The following NSMCE1 variants were observed in gnomAD, a reference collection of about 807,000 sequenced individuals.
NSMCE1 encodes the protein non-structural maintenance of chromosomes element 1 homolog.
A neutral mutation model predicts 29.6 loss-of-function variants in NSMCE1; 18 were observed. The observed-to-expected ratio is 0.61, with a 90% CI of 0.42 to 0.90. The LOEUF is 0.90. NSMCE1 is among the 40% of genes least tolerant of loss of function. The probability of loss-of-function intolerance (pLI) is 0.00; values close to 1 mark genes in which losing one functional copy is unlikely to be tolerated. For missense variants in NSMCE1, 314 were observed against 343.6 expected (o/e 0.91, Z 0.68); for synonymous variants, 124 against 133.4 (o/e 0.93, Z 0.49).
At chr16:27,235,127 C>T in intron 3 of NSMCE1, 51 bp downstream of exon 3, 1 of 1,590,246 alleles carries the variant, frequency 6.3e-7, no homozygotes, top group South Asian at 1.1e-5. Flanking sequence ...CTGCCTGGGC[C>T]CTGTTCCAGC....
chr16:27,257,154 G>A (rs936658360), intron 2 of NSMCE1, among the ~76,000 whole-genome samples: 10 of 152,152 alleles, frequency 6.6e-5, no homozygotes, highest in Non-Finnish European at 1.5e-4. Flanking sequence ...TACAGATACA[G>A]AAACTGAGGC....
chr16:27,237,500 A>G (rs941030960), intron 2 of NSMCE1, among the ~76,000 whole-genome samples: 2 of 152,150 alleles, frequency 1.3e-5, no homozygotes, highest in African/African-American at 2.4e-5. Context: ...GGCCAGACAC[A>G]CTTTTCCACC....
chr16:27,234,161 A>C, intron 4 of NSMCE1, 27 bp downstream of exon 4: 2 of 1,466,800 alleles, frequency 1.4e-6, no homozygotes, highest in Non-Finnish European at 9.6e-7. Flanking sequence ...AGCCCACCCA[A>C]TGGGCAATGG....
chr16:27,252,474 T>C (rs1284296285), intron 2 of NSMCE1, among the ~76,000 whole-genome samples: 3 of 152,160 alleles, frequency 2.0e-5, no homozygotes, highest in Non-Finnish European at 4.4e-5. Context: ...AATTCAATAA[T>C]CAACAGGCCC....
At chr16:27,241,920 G>T in intron 2 of NSMCE1, 1 of 430,380 alleles carries the variant, frequency 2.3e-6, no homozygotes, top group East Asian at 7.2e-5. Context: ...ACAAAGTCTA[G>T]ACCAGAAATC....
intron 2 of NSMCE1, among the ~76,000 whole-genome samples, chr16:27,249,821 G>A (rs1168058365): frequency 1.3e-5 from 2 of 152,266 alleles, no homozygotes; most frequent in South Asian, 2.1e-4. Context: ...ATCTAACTGG[G>A]ATTTCTTTGA....
chr16:27,230,283 C>G lies in NSMCE1; in HGVS notation c.483+2718G>C, dbSNP rs190054000. ...TGACGTGTCCTTGGGGTGATATACC[C>G]ACCTGGAAGGGCCTTGTCAGTGGGC... is the stretch of plus-strand genomic sequence containing the variant. On this transcript the variant is annotated intron_variant, in intron 5 of 7. Coordinates refer to ENST00000361439, the MANE Select transcript of NSMCE1 (RefSeq NM_145080.4). Among the ~76,000 whole-genome samples the G allele has an allele frequency of 2.6e-5, 4 of 152,324 alleles. No individual in the cohort carries two copies. In the East Asian group the frequency reaches 5.8e-4, roughly 22 times the overall value.
intron 6 of NSMCE1, chr16:27,226,429 G>C (rs2083692336): frequency 2.6e-6 from 1 of 379,116 alleles, no homozygotes; most frequent in South Asian, 4.0e-5. Context: ...AAACTACCAA[G>C]ATGATGCAGG....
intron 2 of NSMCE1, among the ~76,000 whole-genome samples, chr16:27,237,359 T>C (rs2083837241): frequency 6.6e-6 from 1 of 152,188 alleles, no homozygotes; most frequent in South Asian, 2.1e-4. Context: ...GGCAGCCACC[T>C]TGGATGGCCT....
chr16:27,252,760 A>C (rs1180673791), intron 2 of NSMCE1, among the ~76,000 whole-genome samples: 3 of 151,934 alleles, frequency 2.0e-5, no homozygotes, highest in Non-Finnish European at 1.5e-5. Flanking sequence ...CTCTACTAAA[A>C]CCACAAAAAT....
At chr16:27,226,083 C>T (rs1051801842) in intron 6 of NSMCE1, 2 of 408,614 alleles carry the variant, frequency 4.9e-6, no homozygotes, top group Admixed American at 8.0e-5. Context: ...GTGACAGAAG[C>T]CGAGGGCTCC....
chr16:27,226,680 G>C, intron 6 of NSMCE1, 40 bp downstream of exon 6: 4 of 1,338,278 alleles, frequency 3.0e-6, no homozygotes, highest in Non-Finnish European at 4.3e-6. Flanking sequence ...CGGGAGCCGA[G>C]GGCCCAGTGA....
intron 2 of NSMCE1, among the ~76,000 whole-genome samples, chr16:27,238,872 ATTT>A (rs545512534): frequency 7.2e-6 from 1 of 138,914 alleles, no homozygotes; most frequent in Non-Finnish European, 1.6e-5. Context: ...ATCCCGACAC[ATTT>A]TTTTTTTTTT....
chr16:27,257,686 TAA>T, intron 1 of NSMCE1, 105 bp from the exon 2 acceptor site: 2 of 1,016,478 alleles, frequency 2.0e-6, no homozygotes, highest in Non-Finnish European at 2.8e-6. Flanking sequence ...CTATCATTTT[TAA>T]AAGTCATTCT....
At chr16:27,240,347 G>A (rs1050325576) in intron 2 of NSMCE1, among the ~76,000 whole-genome samples, 6 of 152,182 alleles carry the variant, frequency 3.9e-5, no homozygotes, top group African/African-American at 7.2e-5. Flanking sequence ...ACTCACAGAG[G>A]AGATGCATTG....
At chr16:27,258,001 CA>C (rs550907060) in intron 1 of NSMCE1, 177 of 153,266 alleles carry the variant, frequency 1.2e-3, no homozygotes, top group Non-Finnish European at 2.1e-3. Flanking sequence ...TACTATCAGG[CA>C]ATTCTGGGTC....
chr16:27,244,576 C>A (rs2083932712), intron 2 of NSMCE1, among the ~76,000 whole-genome samples: 1 of 152,244 alleles, frequency 6.6e-6, no homozygotes, highest in South Asian at 2.1e-4. Flanking sequence ...CTCATGCTGC[C>A]TTCCCTTTGG....
intron 1 of NSMCE1, among the ~76,000 whole-genome samples, chr16:27,264,164 C>A (rs2084193650): frequency 1.3e-5 from 2 of 152,088 alleles, no homozygotes; most frequent in African/African-American, 4.8e-5. Context: ...AAGAGTTCAA[C>A]ACCAGCCTGG....
chr16:27,226,850 C>T lies in NSMCE1; in HGVS notation c.484-14G>A. 1 of 1,550,468 alleles carries T rather than the reference C, an allele frequency of 6.4e-7. No homozygotes were observed. The highest frequency in any genetic ancestry group is 8.9e-7 in the Non-Finnish European group (1 of 1,122,852). On this transcript the variant is annotated splice_polypyrimidine_tract_variant and intron_variant, in intron 5 of 7. Coordinates refer to ENST00000361439, the MANE Select transcript of NSMCE1 (RefSeq NM_145080.4). ...CTCCCCTTCCTTCTGCAGGGACACA[C>T]AGGAGGTGGCCACCCTCAGCCAGGC...
Sources: gnomAD v4.1 joint callset for allele counts (sites outside exome capture counted in the v4.1 genomes callset) on GRCh38, gnomAD v4.1.1 for gene constraint, MANE v1.5 for transcripts, NCBI Gene and HGNC (gene_info 2026-07-23, HGNC 2026-07-21) for gene names.